CTDSPL: variants seen among roughly 807,000 people sequenced by gnomAD.
CTDSPL encodes CTD small phosphatase like.
A neutral mutation model predicts 30.5 loss-of-function variants in CTDSPL; 8 were observed. The observed-to-expected ratio is 0.26, with a 90% CI of 0.15 to 0.47. CTDSPL has a LOEUF of 0.47. CTDSPL is among the 20% of genes least tolerant of loss of function. The pLI is 0.99. For synonymous variants in CTDSPL, 110 were observed against 137.9 expected (o/e 0.80, Z 1.42); for missense variants, 248 against 366.1 (o/e 0.68, Z 2.63).
At chr3:37,890,065 A>G (rs1379531533) in intron 1 of CTDSPL, among the ~76,000 whole-genome samples, 1 of 152,240 alleles carries the variant, frequency 6.6e-6, no homozygotes, top group Non-Finnish European at 1.5e-5. Flanking sequence ...CCAGAAAACC[A>G]ACACAGGAAA....
Position 37,957,219 on chromosome 3 carries a change from A to AT in CTDSPL, c.267+84dup, listed in dbSNP as rs1360037631. 7.0e-5 allele frequency: 69 copies of AT among 979,082 alleles called. No individual in the cohort carries two copies. In the Middle Eastern group the frequency reaches 9.4e-4, roughly 13 times the overall value. 60.6% of individuals were successfully genotyped at this position (979,082 alleles called of 1,614,324 possible). A position where few individuals can be genotyped will look rare whatever the true frequency, so the allele number is the denominator to read the frequency against. ...GGCTTTGGGCCTACTTATATAAAGG[A>AT]TTTTTTTTAATGTTATTGCTTATGG... is the stretch of plus-strand genomic sequence containing the variant. On this transcript the variant is annotated intron_variant, in intron 3 of 7. Transcript: ENST00000273179.
At chr3:37,930,242 T>C (rs947651577) in intron 1 of CTDSPL, among the ~76,000 whole-genome samples, 8 of 152,084 alleles carry the variant, frequency 5.3e-5, no homozygotes, top group African/African-American at 9.7e-5. Flanking sequence ...GATTTCAGTC[T>C]TTTAAAATTT....
Position 37,947,086 on chromosome 3 carries a change from C to G in CTDSPL, c.109C>G (p.Gln37Glu), listed in dbSNP as rs760547549. 1 of 1,613,790 alleles carries G rather than the reference C, an allele frequency of 6.2e-7. No homozygotes were observed. The highest frequency in any genetic ancestry group is 2.2e-5 in the East Asian group (1 of 44,904). The change falls in exon 2 of 8, where the codon CAG becomes GAG. Residue 37 changes from glutamine (Q) to glutamate (E), a missense_variant. Gln to Glu is a conservative substitution (Grantham distance 29). This residue lies in a region of CTDSPL where 118 missense variants were observed against 124.7 expected (regional missense o/e 0.95). Coordinates refer to ENST00000273179, the MANE Select transcript of CTDSPL (RefSeq NM_001008392.2). ...ASQCNVSLKK[Q>E]RSRSILSSFF... ...CCAGTGCAACGTCAGCTTAAAGAAG[C>G]AGAGGAGCCGCAGCATCCTTAGCTC...
At chr3:37,874,237 T>C (rs1422589298) in intron 1 of CTDSPL, among the ~76,000 whole-genome samples, 2 of 152,230 alleles carry the variant, frequency 1.3e-5, no homozygotes, top group Non-Finnish European at 2.9e-5. Flanking sequence ...GAACCCCGTT[T>C]GGCATGGCAG....
At chr3:37,940,971 A>G (rs1346887088) in intron 1 of CTDSPL, among the ~76,000 whole-genome samples, 1 of 150,330 alleles carries the variant, frequency 6.7e-6, no homozygotes, top group Admixed American at 6.7e-5. Flanking sequence ...CTATATGTGT[A>G]CTTTAAGCTG....
At chr3:37,906,058 G>A (rs796911535) in intron 1 of CTDSPL, among the ~76,000 whole-genome samples, 3 of 152,298 alleles carry the variant, frequency 2.0e-5, no homozygotes, top group African/African-American at 7.2e-5. Flanking sequence ...GGGTTAGTTA[G>A]TTCTTGTGCC....
intron 1 of CTDSPL, among the ~76,000 whole-genome samples, chr3:37,883,797 T>C (rs1033851307): frequency 6.6e-6 from 1 of 152,156 alleles, no homozygotes; most frequent in African/African-American, 2.4e-5. Context: ...TTCTCTTTCT[T>C]CTTGTATTTG....
chr3:37,894,410 T>C (rs560841656), intron 1 of CTDSPL, among the ~76,000 whole-genome samples: 2 of 151,408 alleles, frequency 1.3e-5, no homozygotes, highest in Non-Finnish European at 3.0e-5. Flanking sequence ...CCCAGCCAAG[T>C]TTTTTTTTCC....
chr3:37,863,071 G>A (rs114839837), intron 1 of CTDSPL, among the ~76,000 whole-genome samples: 1,598 of 152,308 alleles, frequency 0.01, 33 homozygotes, highest in South Asian at 0.078. Flanking sequence ...TTGTGCAAGT[G>A]CTGGAGTCTG....
rs1365029456 is a variant in CTDSPL at position 37,984,201 on chromosome 3, A to T, written c.*3334A>T. Reference sequence around the variant, plus strand: ...AAATTGGCTGGCTGCCTCTGTTCCTACTGTACTGTAACTTTGATCATGTCT... The same window carrying T: ...AAATTGGCTGGCTGCCTCTGTTCCTTCTGTACTGTAACTTTGATCATGTCT... On this transcript the variant is annotated 3_prime_UTR_variant, in exon 8 of 8. Coordinates refer to ENST00000273179, the MANE Select transcript of CTDSPL (RefSeq NM_001008392.2). 2.2e-6 allele frequency: 1 copy of T among 456,698 alleles called. No individual in the cohort carries two copies. Among genetic ancestry groups the T allele is most frequent in the Non-Finnish European group, 4.4e-6 (1 of 226,970 alleles). The allele number at this position is 456,698 out of a possible 1,614,324, so 28.3% of individuals were successfully genotyped here.
Position 37,862,286 on chromosome 3 carries a change from G to T in CTDSPL, c.79+8G>T. On this transcript the variant is annotated splice_region_variant and intron_variant, in intron 1 of 7. Transcript: ENST00000273179. The surrounding 1 kb of genome is among the most constrained non-coding windows in gnomAD (Gnocchi z 4.3). ...CGGGCGCGGGCGAGAAAGGTGAGGA[G>T]GGGCGCAGGCGGCCGCGGGCTGGGG... 2 of 1,490,534 alleles carry T rather than the reference G, an allele frequency of 1.3e-6. No homozygotes were observed. The highest frequency in any genetic ancestry group is 2.5e-5 in the South Asian group (2 of 78,750). 92.3% of individuals were successfully genotyped at this position (1,490,534 alleles called of 1,614,324 possible). A position where few individuals can be genotyped will look rare whatever the true frequency, so the allele number is the denominator to read the frequency against.
intron 1 of CTDSPL, among the ~76,000 whole-genome samples, chr3:37,910,556 T>A (rs1463150446): frequency 6.6e-6 from 1 of 152,176 alleles, no homozygotes; most frequent in African/African-American, 2.4e-5. Context: ...TCCAGTTGAA[T>A]TCATGGTAAA....
In CTDSPL at chr3:37,862,710, G is replaced by A. The variant is rs1697957633; in HGVS notation, c.79+432G>A. 6.6e-6 allele frequency among the ~76,000 whole-genome samples: 1 copy of A among 152,216 alleles called. No individual in the cohort carries two copies. The highest frequency in any genetic ancestry group is 2.1e-4 in the South Asian group (1 of 4,834). ...GGTTTGCGCACCTAACGGAGATGTTGTGAGTGCTTTTTTTCCTGACAGGCT... is the reference window on the plus strand; with the variant it reads ...GGTTTGCGCACCTAACGGAGATGTTATGAGTGCTTTTTTTCCTGACAGGCT... On this transcript the variant is annotated intron_variant, in intron 1 of 7. Transcript: ENST00000273179. This position sits in a 1 kb window ranked among gnomAD's most constrained non-coding sequence, Gnocchi z 4.3.
intron 1 of CTDSPL, among the ~76,000 whole-genome samples, chr3:37,876,832 T>G (rs1698139994): frequency 6.6e-6 from 1 of 151,992 alleles, no homozygotes. Context: ...ACATTAAATT[T>G]AGCAGTGGCT....
chr3:37,936,656 TAAAAAAAA>T (rs577097327), intron 1 of CTDSPL, among the ~76,000 whole-genome samples: 1 of 94,790 alleles, frequency 1.1e-5, no homozygotes, highest in African/African-American at 4.1e-5. Context: ...TCTCCCCAGT[TAAAAAAAA>T]AAAAAAAAAA....
chr3:37,905,518 G>A (rs1028772621), intron 1 of CTDSPL, among the ~76,000 whole-genome samples: 1 of 152,232 alleles, frequency 6.6e-6, no homozygotes, highest in Non-Finnish European at 1.5e-5. Flanking sequence ...ATTTCTGTAT[G>A]TAAGTAGGCT....
chr3:37,980,301 C>T (rs1699475005), intron 7 of CTDSPL, among the ~76,000 whole-genome samples: 1 of 152,158 alleles, frequency 6.6e-6, no homozygotes, highest in South Asian at 2.1e-4. Context: ...CACAGTGACC[C>T]TAAGTGGAAG....
chr3:37,869,082 G>T (rs1698044457), intron 1 of CTDSPL, among the ~76,000 whole-genome samples: 1 of 151,922 alleles, frequency 6.6e-6, no homozygotes, highest in African/African-American at 2.4e-5. Flanking sequence ...CTGCCATTAG[G>T]CTTTCAGCAT....
intron 1 of CTDSPL, among the ~76,000 whole-genome samples, chr3:37,901,711 T>G (rs1347278284): frequency 6.6e-6 from 1 of 151,962 alleles, no homozygotes; most frequent in Non-Finnish European, 1.5e-5. Context: ...GGCTCTAGAG[T>G]TGAACAGACC....
Sources: allele counts gnomAD v4.1 joint callset (sites outside exome capture counted in the v4.1 genomes callset), GRCh38; gene constraint gnomAD v4.1.1; regional missense constraint gnomAD v4.1.1; non-coding constraint Gnocchi (gnomAD v3.1); transcripts MANE v1.5; gene names NCBI Gene and HGNC (gene_info 2026-07-23, HGNC 2026-07-21).